The following NCKAP5 variants were observed in gnomAD, a reference collection of about 807,000 sequenced individuals.
NCKAP5 encodes nck-associated protein 5.
NCKAP5 carries 92 observed loss-of-function variants against 167.0 expected under a neutral mutation model. That is an observed-to-expected ratio of 0.55 (90% CI 0.47 to 0.66). The LOEUF (loss-of-function observed/expected upper bound fraction) is 0.66. Among genes scored for constraint, NCKAP5 ranks in the 30% least tolerant of loss-of-function variants. The pLI is 0.00. For synonymous variants in NCKAP5, 891 were observed against 877.4 expected (o/e 1.02, Z -0.27); for missense variants, 2,378 against 2,315.0 (o/e 1.03, Z -0.56).
At chr2:133,187,656 T>G (rs138856574) in intron 5 of NCKAP5, among the ~76,000 whole-genome samples, 150 of 152,212 alleles carry the variant, frequency 9.9e-4, no homozygotes, top group African/African-American at 3.5e-3. Flanking sequence ...ACTTATGGAT[T>G]GGAAGACTTA....
chr2:132,679,977 T>C (rs1416176300), intron 19 of NCKAP5, among the ~76,000 whole-genome samples: 1 of 152,148 alleles, frequency 6.6e-6, no homozygotes, highest in Non-Finnish European at 1.5e-5. Context: ...AGGCACTAGT[T>C]AATCACTTCC....
chr2:132,941,928 G>C (rs13400006), intron 8 of NCKAP5, among the ~76,000 whole-genome samples: 1 of 151,898 alleles, frequency 6.6e-6, no homozygotes, highest in African/African-American at 2.4e-5. Flanking sequence ...TTCTTCCCTC[G>C]GGCAAAAATA....
chr2:133,123,886 C>A (rs764946016), intron 6 of NCKAP5: 2 of 458,548 alleles, frequency 4.4e-6, no homozygotes, highest in Non-Finnish European at 9.1e-6. Context: ...GGCATATTAT[C>A]CTCTTCAACA....
chr2:133,558,723 A>AAAAAAAAAAAAAAAAC (rs1246270854), intron 2 of NCKAP5, among the ~76,000 whole-genome samples: 2 of 147,590 alleles, frequency 1.4e-5, no homozygotes, highest in East Asian at 2.0e-4. Flanking sequence ...AAAAAAAAAA[A>AAAAAAAAAAAAAAAAC]AAAGCCCATA....
At chr2:132,696,156 C>T (rs548916667) in intron 19 of NCKAP5, among the ~76,000 whole-genome samples, 1 of 152,252 alleles carries the variant, frequency 6.6e-6, no homozygotes, top group African/African-American at 2.4e-5. Context: ...AATGCATTAC[C>T]TTTGTATGCA....
chr2:132,678,711 A>G (rs1558907893), intron 19 of NCKAP5, among the ~76,000 whole-genome samples: 1 of 152,324 alleles, frequency 6.6e-6, no homozygotes, highest in East Asian at 1.9e-4. Context: ...GAAAATGCAG[A>G]TAGCGAGGTC....
intron 3 of NCKAP5, among the ~76,000 whole-genome samples, chr2:133,343,332 C>T (rs1341461147): frequency 1.3e-5 from 2 of 151,436 alleles, no homozygotes; most frequent in Non-Finnish European, 2.9e-5. Flanking sequence ...GTTTAATATA[C>T]ACATATACAT....
At chr2:133,383,508 A>G (rs1686686035) in intron 3 of NCKAP5, among the ~76,000 whole-genome samples, 2 of 152,202 alleles carry the variant, frequency 1.3e-5, no homozygotes, top group Non-Finnish European at 2.9e-5. Flanking sequence ...TATTGTGAGT[A>G]GTGCTGCAAT....
intron 6 of NCKAP5, among the ~76,000 whole-genome samples, chr2:133,051,911 G>A (rs1559089525): frequency 6.6e-6 from 1 of 152,122 alleles, no homozygotes; most frequent in East Asian, 1.9e-4. Context: ...AGAGAAGTGA[G>A]GTCTAGAGAG....
intron 10 of NCKAP5, among the ~76,000 whole-genome samples, chr2:132,865,506 A>G (rs1235886833): frequency 6.6e-6 from 1 of 152,210 alleles, no homozygotes; most frequent in African/African-American, 2.4e-5. Context: ...GTTTTACTCC[A>G]CAGCTATCAA....
intron 16 of NCKAP5, among the ~76,000 whole-genome samples, chr2:132,736,373 T>C (rs772935844): frequency 5.3e-5 from 8 of 152,200 alleles, no homozygotes; most frequent in Non-Finnish European, 1.2e-4. Context: ...CAGTTTTTTT[T>C]CTCAGAGAAT....
chr2:133,253,908 C>T (rs867915830), intron 4 of NCKAP5, among the ~76,000 whole-genome samples: 8 of 152,320 alleles, frequency 5.3e-5, no homozygotes, highest in Admixed American at 4.6e-4. Flanking sequence ...TGGACTCCAG[C>T]ATGTTCTTTA....
chr2:133,182,952 A>G (rs1283680740), intron 5 of NCKAP5, among the ~76,000 whole-genome samples: 1 of 152,188 alleles, frequency 6.6e-6, no homozygotes, highest in African/African-American at 2.4e-5. Context: ...GCAGATATCA[A>G]AAGGATAGTA....
At chr2:132,913,599 T>G (rs1209907267) in intron 8 of NCKAP5, among the ~76,000 whole-genome samples, 6 of 152,158 alleles carry the variant, frequency 3.9e-5, no homozygotes, top group African/African-American at 7.2e-5. Context: ...GGCTGGTTCT[T>G]AGCATTATAG....
chr2:132,892,560 C>T (rs1692797387), intron 8 of NCKAP5, among the ~76,000 whole-genome samples: 1 of 152,158 alleles, frequency 6.6e-6, no homozygotes, highest in Non-Finnish European at 1.5e-5. Flanking sequence ...ACAATCTGAT[C>T]ACTCTGTTGA....
chr2:133,475,708 A>G (rs185470594), intron 3 of NCKAP5, among the ~76,000 whole-genome samples: 252 of 152,346 alleles, frequency 1.7e-3, no homozygotes, highest in African/African-American at 5.7e-3. Flanking sequence ...AGATGTACAG[A>G]AAAATGTTAG....
Position 133,006,118 on chromosome 2 carries a change from G to A in NCKAP5, c.342-11879C>T, listed in dbSNP as rs191562620. On this transcript the variant is annotated intron_variant, in intron 6 of 19. Transcript: ENST00000409261. ...CAAAAAATAAAAAAAAATTATCTGG[G>A]TGTGGTGGCAAAGGCCTGTAGTCCC... 3.9e-3 allele frequency among the ~76,000 whole-genome samples: 591 copies of A among 152,124 alleles called. 6 individuals carry two copies. The highest frequency in any genetic ancestry group is 0.013 in the African/African-American group (551 of 41,502).
intron 4 of NCKAP5, among the ~76,000 whole-genome samples, chr2:133,243,618 T>C (rs113743644): frequency 2.0e-5 from 3 of 152,308 alleles, no homozygotes; most frequent in African/African-American, 7.2e-5. Context: ...GTTCAACTAA[T>C]CTAAGCCCTC....
intron 4 of NCKAP5, among the ~76,000 whole-genome samples, chr2:133,237,073 A>G (rs1212855651): frequency 1.3e-5 from 2 of 152,134 alleles, no homozygotes; most frequent in African/African-American, 4.8e-5. Flanking sequence ...AAATCTCTGT[A>G]TCAAATTTAA....
Sources: allele counts gnomAD v4.1 joint callset (sites outside exome capture counted in the v4.1 genomes callset), GRCh38; gene constraint gnomAD v4.1.1; transcripts MANE v1.5; gene names NCBI Gene and HGNC (gene_info 2026-07-23, HGNC 2026-07-21).